SCUBE2: variants seen among roughly 807,000 people sequenced by gnomAD.
SCUBE2 encodes the protein signal peptide, CUB and EGF-like domain-containing protein 2.
A neutral mutation model predicts 125.9 loss-of-function variants in SCUBE2; 114 were observed. The observed-to-expected ratio is 0.91, with a 90% CI of 0.78 to 1.06. The LOEUF is 1.06. Among genes scored for constraint, SCUBE2 ranks in the 50% least tolerant of loss-of-function variants. The pLI, the probability that SCUBE2 is intolerant of heterozygous loss-of-function variation, is 0.00. For synonymous variants in SCUBE2, 459 were observed against 492.9 expected, an observed-to-expected ratio of 0.93 and a Z score of 0.91; for missense variants, 1,255 against 1,301.8, an observed-to-expected ratio of 0.96 and a Z score of 0.55.
chr11:9,064,516 C>T (rs1437791248), intron 7 of SCUBE2: 2 of 150,838 alleles, frequency 1.3e-5, no homozygotes, highest in Non-Finnish European at 3.0e-5. Context: ...AACTGTATAC[C>T]CTTCATTTTT....
In SCUBE2 at chr11:9,027,449, G is replaced by A. The variant is rs374515295; in HGVS notation, c.2616C>T (p.Pro872=). The A allele has an allele frequency of 4.3e-6, 7 of 1,613,894 alleles. No homozygotes were observed. Among genetic ancestry groups the A allele is most frequent in the African/African-American group, 2.7e-5 (2 of 74,894 alleles). The change falls in exon 20 of 23, where the codon CCC becomes CCT. Residue 872 remains proline, a synonymous_variant. Transcript: ENST00000649792. ...TECTWTINPP[P]KRRILIVVPE... ...GGACCACGATCAGGATGCGGCGCTT[G>A]GGGGGTGGGTTGATGGTCCACGTAC... is the stretch of plus-strand genomic sequence containing the variant.
At chr11:9,056,053 C>G in intron 9 of SCUBE2, 144 bp from the exon 10 acceptor site, 1 of 685,554 alleles carries the variant, frequency 1.5e-6, no homozygotes, top group Non-Finnish European at 2.6e-6. Context: ...TTTCCTCACT[C>G]ACTTGTGTTA....
intron 16 of SCUBE2, among the ~76,000 whole-genome samples, chr11:9,041,608 C>T (rs1316280819): frequency 2.6e-5 from 4 of 152,110 alleles, no homozygotes; most frequent in South Asian, 4.1e-4. Flanking sequence ...CAACTGGATT[C>T]GGCATCACAG....
chr11:9,034,423 T>C (rs3794149), intron 16 of SCUBE2, among the ~76,000 whole-genome samples: 44,604 of 152,038 alleles, frequency 0.29, 6,838 homozygotes, highest in African/African-American at 0.39. Flanking sequence ...AAAGGAATCA[T>C]TGAAAGGACA....
rs1365893457 is a variant in SCUBE2 at position 9,025,682 on chromosome 11, G to A, written c.2854+20C>T. On this transcript the variant is annotated intron_variant, in intron 21 of 22. Transcript: ENST00000649792. ...TTCAAAGCAGAGACGCTCTTTCCAT[G>A]TGCTGCAGGCTGTGCTTACCATCAT... is the stretch of plus-strand genomic sequence containing the variant. The A allele has an allele frequency of 6.2e-7, 1 of 1,613,280 alleles. No individual in the cohort carries two copies.
intron 10 of SCUBE2, 88 bp from the exon 11 acceptor site, chr11:9,053,847 G>T: frequency 6.6e-7 from 1 of 1,510,698 alleles, no homozygotes; most frequent in Non-Finnish European, 9.0e-7. Context: ...CAGCAGGGGA[G>T]TCACAAGGTT....
At chr11:9,053,796 TC>T in intron 10 of SCUBE2, 37 bp from the exon 11 acceptor site, 1 of 1,599,688 alleles carries the variant, frequency 6.3e-7, no homozygotes, top group Non-Finnish European at 8.5e-7. Context: ...TAGCAGCCTG[TC>T]ACTGAATGGG....
At position 9,091,439 on chromosome 11, in the gene SCUBE2, C is replaced by A; in HGVS notation, c.90G>T (p.Gly30=). The stretch of plus-strand genomic sequence containing the variant: ...CACGGCCCCGACCCGGCGGGACGGC[C>A]CCCGCCAGCAGCAGCAGTGGCGGCA... ...LLLPPLLLLA[G]AVPPGRGRAA... The change falls in exon 1 of 23, where the codon GGG becomes GGT. Residue 30 remains glycine (G), a synonymous_variant. Transcript: ENST00000649792. The surrounding 1 kb of genome is among the most constrained non-coding windows in gnomAD (Gnocchi z 8.5). 7.5e-7 allele frequency: 1 copy of A among 1,338,484 alleles called. No individual in the cohort carries two copies. The highest frequency in any genetic ancestry group is 9.5e-7 in the Non-Finnish European group (1 of 1,047,244). 82.9% of individuals were successfully genotyped at this position (1,338,484 alleles called of 1,614,324 possible). A position where few individuals can be genotyped will look rare whatever the true frequency, so the allele number is the denominator to read the frequency against.
chr11:9,068,619 G>A (rs973081608), intron 5 of SCUBE2, among the ~76,000 whole-genome samples: 1 of 152,318 alleles, frequency 6.6e-6, no homozygotes, highest in Admixed American at 6.5e-5. Context: ...TCTGATAGCA[G>A]AGGATGGTAG....
At chr11:9,076,305 G>A (rs1052482257) in intron 3 of SCUBE2, among the ~76,000 whole-genome samples, 5 of 151,920 alleles carry the variant, frequency 3.3e-5, no homozygotes, top group African/African-American at 1.2e-4. Context: ...GAAGCCTTCT[G>A]CCACACACTG....
intron 5 of SCUBE2, among the ~76,000 whole-genome samples, chr11:9,068,268 C>T (rs1860447616): frequency 6.6e-6 from 1 of 152,164 alleles, no homozygotes; most frequent in Non-Finnish European, 1.5e-5. Context: ...CAGTGCTTCC[C>T]CTGGCATAAA....
chr11:9,090,103 T>C (rs1862508430), intron 1 of SCUBE2, among the ~76,000 whole-genome samples: 2 of 152,078 alleles, frequency 1.3e-5, no homozygotes, highest in South Asian at 2.1e-4. Context: ...ATGACCCCCA[T>C]TGTAGCTGCC....
In SCUBE2 at chr11:9,027,381, A is replaced by G; in HGVS notation, c.2684T>C (p.Leu895Pro). The change falls in exon 20 of 23, where the codon CTG (leucine) becomes CCG (proline). Residue 895 changes from leucine to proline, a missense_variant. Leu to Pro is a moderately conservative substitution (Grantham distance 98, BLOSUM62 -3). This residue lies in a region of SCUBE2 where 515 missense variants were observed against 515.7 expected (regional missense o/e 1.00). Coordinates refer to ENST00000649792, the MANE Select transcript of SCUBE2 (RefSeq NM_001367977.2). ...AGACGCACAGGTTTTCCGCATCACC[A>G]GATAGTCCCCACAGTCGTCCTCTAT... ...LPIEDDCGDY[L>P]VMRKTSSSNS... 1 of 1,614,056 alleles carries G rather than the reference A, an allele frequency of 6.2e-7. No homozygotes were observed. Among genetic ancestry groups the G allele is most frequent in the Non-Finnish European group, 8.5e-7 (1 of 1,179,996 alleles).
chr11:9,091,433 G>T lies in SCUBE2; in HGVS notation c.96C>A (p.Val32=). ...CCGCGGCACGGCCCCGACCCGGCGG[G>T]ACGGCCCCCGCCAGCAGCAGCAGTG... is the stretch of plus-strand genomic sequence containing the variant. ...LPPLLLLAGA[V]PPGRGRAAGP... is the part of the protein sequence containing the mutation. Residue 32 remains valine, a synonymous_variant, in exon 1 of 23, where the codon GTC becomes GTA. Coordinates refer to ENST00000649792, the MANE Select transcript of SCUBE2 (RefSeq NM_001367977.2). This position sits in a 1 kb window ranked among gnomAD's most constrained non-coding sequence, Gnocchi z 8.5. 7.5e-7 allele frequency: 1 copy of T among 1,333,392 alleles called. No individual in the cohort carries two copies. Among genetic ancestry groups the T allele is most frequent in the Non-Finnish European group, 9.6e-7 (1 of 1,043,588 alleles). The allele number at this position is 1,333,392 out of a possible 1,614,324, so 82.6% of individuals were successfully genotyped here.
At chr11:9,071,378 C>A (rs1860790450) in intron 4 of SCUBE2, among the ~76,000 whole-genome samples, 1 of 152,210 alleles carries the variant, frequency 6.6e-6, no homozygotes, top group South Asian at 2.1e-4. Context: ...GAACCTACCA[C>A]CTAATGTCCT....
chr11:9,051,097 A>C (rs377532362), intron 13 of SCUBE2, among the ~76,000 whole-genome samples: 1 of 152,216 alleles, frequency 6.6e-6, no homozygotes, highest in African/African-American at 2.4e-5. Flanking sequence ...CAGGAGGCAG[A>C]GGTTGCAGTG....
intron 2 of SCUBE2, among the ~76,000 whole-genome samples, chr11:9,081,669 C>T (rs1564850563): frequency 7.0e-6 from 1 of 142,980 alleles, no homozygotes; most frequent in East Asian, 2.5e-4. Flanking sequence ...AACAAACAAA[C>T]AAACAAAAAA....
chr11:9,047,817 GAA>G (rs899120511), intron 15 of SCUBE2, 124 bp downstream of exon 15: 1 of 1,216,094 alleles, frequency 8.2e-7, no homozygotes, highest in Non-Finnish European at 1.2e-6. Context: ...GTTTCGGGGT[GAA>G]AAAAAACAGG....
rs1258914157 is a variant in SCUBE2 at position 9,050,521 on chromosome 11, G to A, written c.1639+85C>T. 6.0e-6 allele frequency: 6 copies of A among 1,006,662 alleles called. No individual in the cohort carries two copies. The Admixed American group carries it at 6.8e-5, about 11-fold the overall frequency. The allele number at this position is 1,006,662 out of a possible 1,614,324, so 62.4% of individuals were successfully genotyped here. A position where few individuals can be genotyped will look rare whatever the true frequency, so the allele number is the denominator to read the frequency against. ...GCTTGGATCGGCTGGACAGCCCCTGGCCCCCATGGACCTCCAGCTCGGCTG... is the reference window on the plus strand; with the variant it reads ...GCTTGGATCGGCTGGACAGCCCCTGACCCCCATGGACCTCCAGCTCGGCTG... On this transcript the variant is annotated intron_variant, in intron 14 of 22. Transcript: ENST00000649792.
Sources: allele counts gnomAD v4.1 joint callset (sites outside exome capture counted in the v4.1 genomes callset), GRCh38; gene constraint gnomAD v4.1.1; regional missense constraint gnomAD v4.1.1; non-coding constraint Gnocchi (gnomAD v3.1); transcripts MANE v1.5; gene names NCBI Gene and HGNC (gene_info 2026-07-23, HGNC 2026-07-21).